The following PRDM1 variants were observed in gnomAD, a reference collection of about 807,000 sequenced individuals.
PRDM1 encodes PR domain zinc finger protein 1.
In PRDM1, 13 loss-of-function variants were observed where a neutral mutation model predicts 62.8. That is an observed-to-expected ratio of 0.21 (90% CI 0.13 to 0.33). The LOEUF (loss-of-function observed/expected upper bound fraction) is 0.33, where lower values mean the gene tolerates loss of function less well. Among genes scored for constraint, PRDM1 ranks in the 10% least tolerant of loss-of-function variants. The pLI, the probability that PRDM1 is intolerant of heterozygous loss-of-function variation, is 1.00. For synonymous variants in PRDM1, 396 were observed against 417.6 expected (o/e 0.95, Z 0.63); for missense variants, 895 against 1,058.8 (o/e 0.85, Z 2.15).
chr6:106,101,142 C>G (rs1774258830), intron 4 of PRDM1, among the ~76,000 whole-genome samples: 1 of 152,176 alleles, frequency 6.6e-6, no homozygotes, highest in South Asian at 2.1e-4. Flanking sequence ...TCCTGGCTTT[C>G]TTAACATAGT....
At chr6:106,060,805 G>A (rs2114592394) in intron 1 of PRDM1, among the ~76,000 whole-genome samples, 1 of 152,096 alleles carries the variant, frequency 6.6e-6, no homozygotes, top group East Asian at 1.9e-4. Flanking sequence ...GGGAGTGGGT[G>A]GCTGGGATGG....
intron 1 of PRDM1, among the ~76,000 whole-genome samples, chr6:106,017,665 A>G (rs549728490): frequency 6.6e-6 from 1 of 152,338 alleles, no homozygotes; most frequent in South Asian, 2.1e-4. Flanking sequence ...ATGATGCAGC[A>G]GCTTTGACCA....
intron 1 of PRDM1, among the ~76,000 whole-genome samples, chr6:106,004,100 C>A (rs1398268503): frequency 6.6e-6 from 1 of 151,940 alleles, no homozygotes; most frequent in Admixed American, 6.6e-5. Context: ...ATAATCAGAT[C>A]AAAGGTTCCC....
Position 106,005,385 on chromosome 6 carries a change from C to T in PRDM1, c.-67+11746C>T, listed in dbSNP as rs537507655. On this transcript the variant is annotated intron_variant, in intron 1 of 6. Coordinates refer to the PRDM1 transcript ENST00000652320. The stretch of plus-strand genomic sequence containing the variant: ...CTTGGCCACAGGCCTTGGCCTTCCT[C>T]TGTAGAGTGGACTGTAATTAGTGAA... Among the ~76,000 whole-genome samples the T allele has an allele frequency of 4.2e-4, 64 of 152,362 alleles. 1 individual carries two copies. The South Asian group carries it at 0.013, about 31-fold the overall frequency.
intron 1 of PRDM1, among the ~76,000 whole-genome samples, chr6:105,997,654 G>C (rs1199080955): frequency 2.0e-5 from 3 of 152,168 alleles, no homozygotes; most frequent in African/African-American, 7.2e-5. Context: ...AAGGGAAGTA[G>C]GTTGGAGGGG....
chr6:106,086,254 G>A, upstream of PRDM1: 1 of 398,764 alleles, frequency 2.5e-6, no homozygotes, highest in Non-Finnish European at 4.5e-6. Context: ...GCCAGGTGGT[G>A]TTGGCCACGT....
Position 106,029,179 on chromosome 6 carries a change from A to G in PRDM1, c.-67+35540A>G, listed in dbSNP as rs571203360. Among the ~76,000 whole-genome samples the G allele has an allele frequency of 8.5e-5, 13 of 152,244 alleles. No homozygotes were observed. The East Asian group carries it at 2.1e-3, about 25-fold the overall frequency. On this transcript the variant is annotated intron_variant, in intron 1 of 6. Coordinates refer to the PRDM1 transcript ENST00000652320. ...TGTGATCCGCCTGCCTTGGCCTCCC[A>G]AAGTGCTGGGATTACAGGCATGAGC...
chr6:106,091,787 A>C (rs979756732), intron 2 of PRDM1, among the ~76,000 whole-genome samples: 1 of 151,596 alleles, frequency 6.6e-6, no homozygotes, highest in African/African-American at 2.4e-5. Context: ...ATAAATAAGT[A>C]AATAAATGCC....
upstream of PRDM1, among the ~76,000 whole-genome samples, chr6:106,082,281 C>T (rs1397432063): frequency 6.6e-6 from 1 of 152,104 alleles, no homozygotes; most frequent in Non-Finnish European, 1.5e-5. Context: ...CTGTTCTTTC[C>T]CACAGACTTC....
intron 1 of PRDM1, among the ~76,000 whole-genome samples, chr6:106,076,436 G>A (rs989961499): frequency 6.6e-6 from 1 of 152,144 alleles, no homozygotes; most frequent in Non-Finnish European, 1.5e-5. Context: ...AGTATTTTGT[G>A]GAGAAGGCTT....
chr6:106,029,318 A>G (rs1395467569), intron 1 of PRDM1, among the ~76,000 whole-genome samples: 1 of 152,226 alleles, frequency 6.6e-6, no homozygotes, highest in African/African-American at 2.4e-5. Context: ...TGTATGGTAC[A>G]TAAGGTCAAT....
At chr6:106,090,305 A>C (rs1773929066) in intron 2 of PRDM1, among the ~76,000 whole-genome samples, 1 of 152,216 alleles carries the variant, frequency 6.6e-6, no homozygotes, top group African/African-American at 2.4e-5. Flanking sequence ...AGCAACCAAA[A>C]AACAGACAAT....
chr6:106,082,434 T>C (rs183647886), upstream of PRDM1, among the ~76,000 whole-genome samples: 1 of 152,200 alleles, frequency 6.6e-6, no homozygotes, highest in African/African-American at 2.4e-5. Flanking sequence ...ATTTATTAAG[T>C]TGGTAGATGC....
rs574786779 is a variant in PRDM1 at position 106,024,012 on chromosome 6, C to A, written c.-67+30373C>A. Among the ~76,000 whole-genome samples, 11 of 152,156 alleles carry A rather than the reference C, an allele frequency of 7.2e-5. No individual in the cohort carries two copies. The East Asian group carries it at 2.1e-3, about 29-fold the overall frequency. On this transcript the variant is annotated intron_variant, in intron 1 of 6. Transcript: ENST00000652320. ...TACAAATTAGCCAGGCATGGTAGCA[C>A]GCGCCTGTAGTCCTAGGTCCTTGGG...
chr6:106,076,208 C>T (rs2114605342), intron 1 of PRDM1, among the ~76,000 whole-genome samples: 1 of 152,264 alleles, frequency 6.6e-6, no homozygotes, highest in East Asian at 1.9e-4. Context: ...ACCTTTGCCT[C>T]CCAAAGTGCG....
Position 106,032,367 on chromosome 6 carries a change from C to T in PRDM1, c.-67+38728C>T, listed in dbSNP as rs573590207. On this transcript the variant is annotated intron_variant, in intron 1 of 6. Coordinates refer to the PRDM1 transcript ENST00000652320. ...TTTTGGTAGAGACAGGGTTTCATCA[C>T]GTTGCCCAGGTTGGTCTAGAACTCT... 7.7e-5 allele frequency among the ~76,000 whole-genome samples: 11 copies of T among 142,814 alleles called. No homozygotes were observed. The South Asian group carries it at 1.8e-3, about 23-fold the overall frequency. 93.7% of individuals were successfully genotyped at this position (142,814 alleles called of 152,430 possible). A position where few individuals can be genotyped will look rare whatever the true frequency, so the allele number is the denominator to read the frequency against.
At chr6:106,010,860 G>T (rs1772536543) in intron 1 of PRDM1, among the ~76,000 whole-genome samples, 1 of 152,194 alleles carries the variant, frequency 6.6e-6, no homozygotes, top group African/African-American at 2.4e-5. Flanking sequence ...AGCTCAACCT[G>T]TGGGTACTGG....
At chr6:106,078,101 A>C (rs750713489) in intron 1 of PRDM1, among the ~76,000 whole-genome samples, 2 of 152,154 alleles carry the variant, frequency 1.3e-5, no homozygotes, top group Admixed American at 6.6e-5. Flanking sequence ...TGTGTTTGAC[A>C]CCATTTATCA....
In PRDM1 at chr6:106,039,237, T is replaced by G. The variant is rs1036393058; in HGVS notation, c.-67+45598T>G. On this transcript the variant is annotated intron_variant, in intron 1 of 6. Transcript: ENST00000652320. ...ACTATCTCAGGCTGCATTGGAGGAG[T>G]GGGGAGAGGCTCAGAGCTTTCCTCA... 4.8e-4 allele frequency among the ~76,000 whole-genome samples: 73 copies of G among 152,052 alleles called. 1 individual carries two copies. Among genetic ancestry groups the G allele is most frequent in the Non-Finnish European group, 8.8e-5 (6 of 68,012 alleles).
Sources: gnomAD v4.1 joint callset for allele counts (sites outside exome capture counted in the v4.1 genomes callset) on GRCh38, gnomAD v4.1.1 for gene constraint, MANE v1.5 for transcripts, NCBI Gene and HGNC (gene_info 2026-07-23, HGNC 2026-07-21) for gene names.